The following TMEFF2 variants were observed in gnomAD, a reference collection of about 807,000 sequenced individuals.
The protein encoded by TMEFF2 is tomoregulin-2.
A neutral mutation model predicts 53.8 loss-of-function variants in TMEFF2; 28 were observed. The ratio of observed to expected loss-of-function variants is 0.52; its 90% CI spans 0.39 to 0.71. The LOEUF is 0.71. Among genes scored for constraint, TMEFF2 ranks in the 30% least tolerant of loss-of-function variants. The probability of loss-of-function intolerance (pLI) is 0.00; values close to 1 mark genes in which losing one functional copy is unlikely to be tolerated. For synonymous variants in TMEFF2, 162 were observed against 166.3 expected (o/e 0.97, Z 0.20); for missense variants, 353 against 455.2 (o/e 0.78, Z 2.04).
At chr2:191,983,254 C>A (rs1231573867) in intron 7 of TMEFF2, among the ~76,000 whole-genome samples, 1 of 152,160 alleles carries the variant, frequency 6.6e-6, no homozygotes, top group Non-Finnish European at 1.5e-5. Flanking sequence ...CACATTGACA[C>A]TTCTCTAAAG....
chr2:191,964,851 C>G (rs544645085), intron 7 of TMEFF2, among the ~76,000 whole-genome samples: 1 of 152,244 alleles, frequency 6.6e-6, no homozygotes, highest in Admixed American at 6.5e-5. Context: ...ATCACAATCT[C>G]TCAGTAATAT....
chr2:191,990,409 T>C (rs967866375), intron 7 of TMEFF2, among the ~76,000 whole-genome samples: 5 of 35,638 alleles, frequency 1.4e-4, no homozygotes, highest in Admixed American at 1.2e-3. Context: ...ATCAAAGTGC[T>C]CAGAATAGTG....
At chr2:192,121,588 G>A (rs999638542) in intron 4 of TMEFF2, among the ~76,000 whole-genome samples, 1 of 152,122 alleles carries the variant, frequency 6.6e-6, no homozygotes, top group African/African-American at 2.4e-5. Flanking sequence ...GATTCAGTTG[G>A]TCATGGCTGG....
chr2:192,145,275 T>A (rs896410724), intron 4 of TMEFF2, among the ~76,000 whole-genome samples: 1 of 151,978 alleles, frequency 6.6e-6, no homozygotes, highest in Non-Finnish European at 1.5e-5. Context: ...AAATTCTGAT[T>A]ATGTATTCTA....
chr2:192,137,371 A>G (rs970641612), intron 4 of TMEFF2, among the ~76,000 whole-genome samples: 1 of 152,216 alleles, frequency 6.6e-6, no homozygotes, highest in African/African-American at 2.4e-5. Context: ...ACACATTCCC[A>G]TCCCATTGAA....
In TMEFF2 at chr2:192,048,881, A is replaced by G. The variant is rs1042769272; in HGVS notation, c.536+8798T>C. Among the ~76,000 whole-genome samples, 7 of 152,358 alleles carry G rather than the reference A, an allele frequency of 4.6e-5. No individual in the cohort carries two copies. In the South Asian group the frequency reaches 1.4e-3, roughly 32 times the overall value. ...TCTTCTATGCAACCTTAAGTCTAGT[A>G]ACATTCTCATCTGATTGGATGCATG... On this transcript the variant is annotated intron_variant, in intron 5 of 9. Coordinates refer to ENST00000272771, the MANE Select transcript of TMEFF2 (RefSeq NM_016192.4).
At chr2:192,034,174 CAAA>C (rs5837274) in intron 5 of TMEFF2, among the ~76,000 whole-genome samples, 4 of 105,362 alleles carry the variant, frequency 3.8e-5, no homozygotes, top group Non-Finnish European at 5.7e-5. Flanking sequence ...GACTCCATTT[CAAA>C]AAAAAAAAAA....
chr2:192,013,168 G>A (rs1193652393), intron 5 of TMEFF2, among the ~76,000 whole-genome samples: 1 of 152,106 alleles, frequency 6.6e-6, no homozygotes, highest in African/African-American at 2.4e-5. Context: ...AGTCCTTACC[G>A]TGGTTCATGA....
intron 5 of TMEFF2, among the ~76,000 whole-genome samples, chr2:192,007,835 A>T (rs1686536364): frequency 6.6e-6 from 1 of 152,172 alleles, no homozygotes; most frequent in Non-Finnish European, 1.5e-5. Flanking sequence ...GGCATTCACT[A>T]TATGGAAGAA....
At chr2:192,171,810 T>C (rs1690920772) in intron 4 of TMEFF2, among the ~76,000 whole-genome samples, 1 of 152,068 alleles carries the variant, frequency 6.6e-6, no homozygotes, top group African/African-American at 2.4e-5. Context: ...TCTTGCTGCA[T>C]CACACTCATT....
At chr2:192,128,586 T>C (rs1183336954) in intron 4 of TMEFF2, among the ~76,000 whole-genome samples, 1 of 152,232 alleles carries the variant, frequency 6.6e-6, no homozygotes, top group African/African-American at 2.4e-5. Flanking sequence ...ACAGTATCTA[T>C]TTTAATTCTT....
chr2:192,164,175 T>C (rs547268163), intron 4 of TMEFF2, among the ~76,000 whole-genome samples: 1 of 152,284 alleles, frequency 6.6e-6, no homozygotes, highest in East Asian at 1.9e-4. Flanking sequence ...AAATTCCAAA[T>C]TCCTTACCAC....
At chr2:192,130,658 A>G (rs1390355993) in intron 4 of TMEFF2, among the ~76,000 whole-genome samples, 3 of 151,332 alleles carry the variant, frequency 2.0e-5, no homozygotes, top group Non-Finnish European at 4.4e-5. Flanking sequence ...CTTTGACTGT[A>G]ATTTTCCATT....
At chr2:191,953,657 G>C (rs368396859) in intron 9 of TMEFF2, 22 bp downstream of exon 9, 1 of 1,610,374 alleles carries the variant, frequency 6.2e-7, no homozygotes, top group Non-Finnish European at 8.5e-7. Flanking sequence ...TATTTGGGTA[G>C]CCACCAAGTG....
At chr2:192,010,593 A>G (rs924333815) in intron 5 of TMEFF2, among the ~76,000 whole-genome samples, 4 of 152,078 alleles carry the variant, frequency 2.6e-5, no homozygotes, top group Non-Finnish European at 4.4e-5. Flanking sequence ...ATTGAATCAC[A>G]TAAGTGTAGC....
chr2:192,193,751 G>A (rs1559167063), intron 1 of TMEFF2, among the ~76,000 whole-genome samples: 1 of 27,162 alleles, frequency 3.7e-5, no homozygotes, highest in Admixed American at 5.0e-4. Context: ...GAGAGAGAGA[G>A]ATAGATAGAT....
intron 2 of TMEFF2, among the ~76,000 whole-genome samples, chr2:192,188,158 CT>C (rs1339871333): frequency 6.6e-6 from 1 of 152,110 alleles, no homozygotes; most frequent in Non-Finnish European, 1.5e-5. Flanking sequence ...GTAATTTTTA[CT>C]TTTCTGTGAT....
chr2:192,154,516 T>A (rs1446968120), intron 4 of TMEFF2, among the ~76,000 whole-genome samples: 1 of 152,022 alleles, frequency 6.6e-6, no homozygotes, highest in Non-Finnish European at 1.5e-5. Context: ...ACTTTGGTGC[T>A]TGTGTCTCCA....
chr2:192,168,514 CTTCAA>C (rs1690826166), intron 4 of TMEFF2, among the ~76,000 whole-genome samples: 1 of 152,030 alleles, frequency 6.6e-6, no homozygotes, highest in Non-Finnish European at 1.5e-5. Context: ...CCTAAAATAT[CTTCAA>C]TTCTTTTCTT....
Sources: gnomAD v4.1 joint callset for allele counts (sites outside exome capture counted in the v4.1 genomes callset) on GRCh38, gnomAD v4.1.1 for gene constraint, MANE v1.5 for transcripts, NCBI Gene and HGNC (gene_info 2026-07-23, HGNC 2026-07-21) for gene names.